The following FAM76A variants were observed in gnomAD, a reference collection of about 807,000 sequenced individuals.
FAM76A encodes family with sequence similarity 76 member A.
In FAM76A, 32 loss-of-function variants were observed where a neutral mutation model predicts 46.2. The observed-to-expected ratio is 0.69, with a 90% CI of 0.52 to 0.93. The LOEUF (loss-of-function observed/expected upper bound fraction) is 0.93. Ranked by LOEUF, FAM76A falls within the 40% of genes least tolerant of loss-of-function variation. The pLI, the probability that FAM76A is intolerant of heterozygous loss-of-function variation, is 0.00. For synonymous variants in FAM76A, 137 were observed against 127.0 expected (o/e 1.08, Z -0.53); for missense variants, 274 against 361.5 (o/e 0.76, Z 1.96).
intron 1 of FAM76A, 111 bp downstream of exon 1, chr1:27,726,272 C>T: frequency 9.8e-7 from 1 of 1,016,216 alleles, no homozygotes. Context: ...TGTGGCAGGC[C>T]CGCCAGGCTG....
chr1:27,737,753 G>A (rs2014937), intron 4 of FAM76A, among the ~76,000 whole-genome samples: 2 of 151,702 alleles, frequency 1.3e-5, no homozygotes, highest in Admixed American at 6.6e-5. Context: ...TCAGCAGGCT[G>A]AGGTGGGAGA....
chr1:27,729,487 G>A (rs745799279), intron 2 of FAM76A, among the ~76,000 whole-genome samples: 9 of 151,548 alleles, frequency 5.9e-5, no homozygotes, highest in Non-Finnish European at 1.2e-4. Flanking sequence ...TGGAATTACA[G>A]GCGTGACCGA....
At chr1:27,731,471 G>A (rs1470711477) in intron 2 of FAM76A, among the ~76,000 whole-genome samples, 1 of 152,058 alleles carries the variant, frequency 6.6e-6, no homozygotes, top group Non-Finnish European at 1.5e-5. Flanking sequence ...CTCCCAAAGT[G>A]CTGGGATTAC....
At chr1:27,748,550 C>G (rs1171641168) in intron 5 of FAM76A, among the ~76,000 whole-genome samples, 1 of 44,364 alleles carries the variant, frequency 2.3e-5, no homozygotes, top group African/African-American at 9.4e-5. Context: ...GGATTGATCT[C>G]GGCTCACTGC....
intron 4 of FAM76A, among the ~76,000 whole-genome samples, chr1:27,735,739 A>G (rs1424266183): frequency 6.6e-6 from 1 of 152,158 alleles, no homozygotes; most frequent in Non-Finnish European, 1.5e-5. Context: ...ATTATGCATC[A>G]CTTTCTTCAT....
chr1:27,736,343 G>A (rs1374438133), intron 4 of FAM76A, among the ~76,000 whole-genome samples: 1 of 151,916 alleles, frequency 6.6e-6, no homozygotes, highest in East Asian at 1.9e-4. Context: ...AAGCGGGGAG[G>A]GTATCTGGAC....
intron 2 of FAM76A, among the ~76,000 whole-genome samples, chr1:27,728,667 A>G (rs1029218607): frequency 4.6e-5 from 7 of 152,288 alleles, no homozygotes; most frequent in African/African-American, 1.7e-4. Context: ...CTCATTTTTA[A>G]AAGTGTGAAA....
intron 4 of FAM76A, chr1:27,739,063 G>A (rs574946674): frequency 2.9e-4 from 73 of 250,012 alleles, no homozygotes; most frequent in African/African-American, 1.4e-3. Flanking sequence ...CATAGGCCAT[G>A]AGGCACACTG....
chr1:27,728,417 G>A (rs1020459109), intron 2 of FAM76A, among the ~76,000 whole-genome samples: 4 of 151,830 alleles, frequency 2.6e-5, no homozygotes, highest in East Asian at 2.0e-4. Context: ...CAGTGGAGCC[G>A]TCATGGCTCA....
At chr1:27,733,674 C>T (rs1291124153) in intron 3 of FAM76A, among the ~76,000 whole-genome samples, 1 of 151,762 alleles carries the variant, frequency 6.6e-6, no homozygotes. Context: ...ATGGTGAAAC[C>T]CCATCTCTAG....
intron 4 of FAM76A, among the ~76,000 whole-genome samples, chr1:27,734,717 A>C (rs1376240360): frequency 6.6e-6 from 1 of 152,214 alleles, no homozygotes; most frequent in Admixed American, 6.6e-5. Flanking sequence ...TGATCACGTA[A>C]GTGAAATGGT....
chr1:27,755,095 C>T (rs2088387916), intron 6 of FAM76A, 100 bp from the exon 7 acceptor site: 5 of 1,336,018 alleles, frequency 3.7e-6, no homozygotes, highest in Non-Finnish European at 5.2e-6. Flanking sequence ...GGATTCCTGC[C>T]CTTTAGGAGC....
At chr1:27,741,188 A>T in intron 4 of FAM76A, among the ~76,000 whole-genome samples, 1 of 140,142 alleles carries the variant, frequency 7.1e-6, no homozygotes, top group African/African-American at 2.8e-5. Context: ...TTATTGGGAG[A>T]TTTGATTTTT....
At chr1:27,746,886 G>A (rs1168149485) in intron 5 of FAM76A, among the ~76,000 whole-genome samples, 1 of 152,088 alleles carries the variant, frequency 6.6e-6, no homozygotes, top group East Asian at 1.9e-4. Context: ...AAACTAGCAG[G>A]AACAACATAA....
chr1:27,751,020 C>T (rs930589656), intron 6 of FAM76A, among the ~76,000 whole-genome samples: 3 of 152,072 alleles, frequency 2.0e-5, no homozygotes, highest in Non-Finnish European at 4.4e-5. Flanking sequence ...GGCATGGTGG[C>T]GTGTGCCTGT....
intron 5 of FAM76A, among the ~76,000 whole-genome samples, chr1:27,746,884 A>G (rs1270130277): frequency 1.3e-5 from 2 of 152,098 alleles, no homozygotes; most frequent in Non-Finnish European, 2.9e-5. Flanking sequence ...TGAAACTAGC[A>G]GGAACAACAT....
chr1:27,744,595 A>G, intron 4 of FAM76A, 59 bp from the exon 5 acceptor site: 1 of 1,580,550 alleles, frequency 6.3e-7, no homozygotes, highest in East Asian at 2.2e-5. Context: ...TCCCAATACC[A>G]CGTTTGCAGC....
chr1:27,759,184 T>G (rs760670033), intron 7 of FAM76A, among the ~76,000 whole-genome samples: 3 of 152,282 alleles, frequency 2.0e-5, no homozygotes, highest in East Asian at 1.9e-4. Flanking sequence ...AAGATCAGTT[T>G]TCTCCTCTAT....
At chr1:27,755,463 G>C (rs1446186148) in intron 7 of FAM76A, 133 bp downstream of exon 7, 1 of 1,183,374 alleles carries the variant, frequency 8.5e-7, no homozygotes, top group Non-Finnish European at 1.2e-6. Context: ...CTGGGGAGAG[G>C]CTGGCTGTCT....
Sources: gnomAD v4.1 joint callset for allele counts (sites outside exome capture counted in the v4.1 genomes callset) on GRCh38, gnomAD v4.1.1 for gene constraint, MANE v1.5 for transcripts, NCBI Gene and HGNC (gene_info 2026-07-23, HGNC 2026-07-21) for gene names.